The following URI1 variants were observed in gnomAD, a reference collection of about 807,000 sequenced individuals.
The protein encoded by URI1 is URI1 prefoldin like chaperone, also known as unconventional prefoldin RPB5 interactor 1.
A neutral mutation model predicts 60.2 loss-of-function variants in URI1; 39 were observed. The ratio of observed to expected loss-of-function variants is 0.65; its 90% CI spans 0.50 to 0.85. The LOEUF is 0.85. Ranked by LOEUF, URI1 falls within the 40% of genes least tolerant of loss-of-function variation. The pLI is 0.00. For missense variants in URI1, 691 were observed against 665.9 expected (o/e 1.04, Z -0.42); for synonymous variants, 251 against 236.8 (o/e 1.06, Z -0.55).
upstream of URI1, among the ~76,000 whole-genome samples, chr19:29,938,360 G>A (rs527515982): frequency 2.1e-4 from 32 of 152,208 alleles, 2 homozygotes; most frequent in South Asian, 6.4e-3. Context: ...GGAGGTGCCA[G>A]GCTCTTTTAA....
intron 1 of URI1, among the ~76,000 whole-genome samples, chr19:29,952,740 A>C (rs1204255303): frequency 6.6e-6 from 1 of 152,130 alleles, no homozygotes. Context: ...GCCATTTAAC[A>C]TTTCTTGTGT....
At chr19:29,978,704 A>C (rs955334526) in intron 2 of URI1, among the ~76,000 whole-genome samples, 5 of 152,160 alleles carry the variant, frequency 3.3e-5, no homozygotes, top group African/African-American at 1.2e-4. Flanking sequence ...TCAGTGTAAG[A>C]CCTGAGAGAA....
intron 1 of URI1, among the ~76,000 whole-genome samples, chr19:29,943,722 A>T (rs2055062266): frequency 6.6e-6 from 1 of 152,082 alleles, no homozygotes; most frequent in Non-Finnish European, 1.5e-5. Context: ...GAACTGCGGG[A>T]ATCTTTCTTT....
At chr19:29,971,154 C>G (rs1164645719) in intron 1 of URI1, 39 bp from the exon 2 acceptor site, 1 of 1,606,214 alleles carries the variant, frequency 6.2e-7, no homozygotes, top group Admixed American at 1.7e-5. Flanking sequence ...CTGTGCATAG[C>G]TCTGTTTTTT....
chr19:30,008,815 T>C (rs905163827), intron 7 of URI1, among the ~76,000 whole-genome samples, 190 bp from the exon 8 acceptor site: 1 of 152,200 alleles, frequency 6.6e-6, no homozygotes, highest in African/African-American at 2.4e-5. Flanking sequence ...CCTCAATATA[T>C]AGAAGCAGCA....
chr19:29,995,251 A>G (rs2055797141), intron 4 of URI1, among the ~76,000 whole-genome samples: 1 of 152,086 alleles, frequency 6.6e-6, no homozygotes, highest in Non-Finnish European at 1.5e-5. Flanking sequence ...CATATCATCA[A>G]GGAATATAGT....
At chr19:29,987,378 T>A (rs537745302) in intron 4 of URI1, among the ~76,000 whole-genome samples, 38 of 152,090 alleles carry the variant, frequency 2.5e-4, no homozygotes, top group African/African-American at 9.2e-4. Context: ...ATTTGGAGAC[T>A]CTAATTGCAA....
chr19:29,985,403 TA>T, intron 3 of URI1, 102 bp downstream of exon 3: 1 of 898,808 alleles, frequency 1.1e-6, no homozygotes, highest in Non-Finnish European at 1.7e-6. Flanking sequence ...GTGTCCAAGG[TA>T]ACTATGTAGC....
At chr19:29,967,855 A>T (rs2055408806) in intron 1 of URI1, among the ~76,000 whole-genome samples, 1 of 152,192 alleles carries the variant, frequency 6.6e-6, no homozygotes, top group Admixed American at 6.5e-5. Context: ...TTCATCTCTG[A>T]ATACAGGTTT....
chr19:29,957,873 G>A (rs565013704), intron 1 of URI1: 1 of 143,718 alleles, frequency 7.0e-6, no homozygotes, highest in Non-Finnish European at 1.5e-5. Flanking sequence ...GTTGCCTTTT[G>A]TAATTTACTT....
Position 29,961,754 on chromosome 19 carries a change from C to T in URI1, c.118-9439C>T, listed in dbSNP as rs898179853. ...AGGCTGGAGTGCAATGGCACAATCTCGGCTCACTGCAACCTCTATCTCCTG... is the reference window on the plus strand; with the variant it reads ...AGGCTGGAGTGCAATGGCACAATCTTGGCTCACTGCAACCTCTATCTCCTG... On this transcript the variant is annotated intron_variant, in intron 1 of 10. Transcript: ENST00000392271. Among the ~76,000 whole-genome samples the T allele has an allele frequency of 8.0e-5, 12 of 149,912 alleles. No individual in the cohort carries two copies. The South Asian group carries it at 8.4e-4, about 11-fold the overall frequency.
intron 4 of URI1, among the ~76,000 whole-genome samples, chr19:29,997,596 C>T (rs778538304): frequency 1.8e-4 from 28 of 151,854 alleles, no homozygotes; most frequent in Non-Finnish European, 5.9e-5. Flanking sequence ...GTTCAGTTTA[C>T]TCTTTCTTTT....
chr19:29,935,177 T>A (rs1364249346), intron 1 of URI1, among the ~76,000 whole-genome samples: 1 of 152,208 alleles, frequency 6.6e-6, no homozygotes, highest in Non-Finnish European at 1.5e-5. Context: ...TGTCTGTATA[T>A]TTTTTAGTTA....
At chr19:29,986,148 G>C in intron 3 of URI1, 134 bp from the exon 4 acceptor site, 1 of 846,652 alleles carries the variant, frequency 1.2e-6, no homozygotes. Flanking sequence ...TTTCTGTGAA[G>C]CTGGCATTTT....
intron 4 of URI1, among the ~76,000 whole-genome samples, chr19:29,993,460 C>T (rs2055771406): frequency 1.3e-5 from 2 of 152,126 alleles, no homozygotes; most frequent in South Asian, 4.1e-4. Context: ...CCCAAACTTA[C>T]TTGATTTTGA....
intron 1 of URI1, chr19:29,957,004 A>G: frequency 1.4e-6 from 1 of 717,620 alleles, no homozygotes; most frequent in Non-Finnish European, 2.4e-6. Flanking sequence ...CAGTAAACGC[A>G]GCAAAAAAAA....
chr19:29,950,756 A>G (rs1205039772), intron 1 of URI1, among the ~76,000 whole-genome samples: 1 of 152,184 alleles, frequency 6.6e-6, no homozygotes, highest in Non-Finnish European at 1.5e-5. Flanking sequence ...AATGTCCTTT[A>G]TAACTCTCTT....
intron 1 of URI1, among the ~76,000 whole-genome samples, chr19:29,930,113 A>G (rs2054903833): frequency 6.6e-6 from 1 of 151,560 alleles, no homozygotes. Context: ...AATTTTTTGT[A>G]TTTTTAGTAG....
chr19:30,011,195 C>T lies in URI1; in HGVS notation c.1137C>T (p.Ala379=), dbSNP rs2056014002. The change falls in exon 9 of 11, where the codon GCC becomes GCT. Residue 379 remains alanine (A), a synonymous_variant. Transcript: ENST00000392271. ...ACAGCACTGGCAGTGGCCACTCTGC[C>T]CAGGAGCTGCCGACCATCAGGACGC... ...RKNSTGSGHS[A]QELPTIRTPA... 1 of 1,610,820 alleles carries T rather than the reference C, an allele frequency of 6.2e-7. No homozygotes were observed. The highest frequency in any genetic ancestry group is 8.5e-7 in the Non-Finnish European group (1 of 1,178,836).
Sources: allele counts gnomAD v4.1 joint callset (sites outside exome capture counted in the v4.1 genomes callset), GRCh38; gene constraint gnomAD v4.1.1; transcripts MANE v1.5; gene names NCBI Gene and HGNC (gene_info 2026-07-23, HGNC 2026-07-21).